The following TMEM114 variants were observed in gnomAD, a reference collection of about 807,000 sequenced individuals.
TMEM114 encodes the protein transmembrane protein 114, also known as claudin-26.
A neutral mutation model predicts 6.2 loss-of-function variants in TMEM114; 6 were observed. That is an observed-to-expected ratio of 0.97 (90% confidence interval 0.53 to 1.91). The LOEUF (loss-of-function observed/expected upper bound fraction) is 1.91, where lower values mean the gene tolerates loss of function less well. TMEM114 is among the 40% of genes most tolerant of loss of function. TMEM114 has a pLI of 0.01. For synonymous variants in TMEM114, 104 were observed against 73.0 expected, an observed-to-expected ratio of 1.42 and a Z score of -2.16; for missense variants, 218 against 158.3, an observed-to-expected ratio of 1.38 and a Z score of -2.02.
At chr16:8,560,514 G>A (rs1332383152) in intron 2 of TMEM114, among the ~76,000 whole-genome samples, 1 of 152,174 alleles carries the variant, frequency 6.6e-6, no homozygotes, top group Non-Finnish European at 1.5e-5. Context: ...CACAGAGGAC[G>A]CACTTCCTGC....
intron 2 of TMEM114, among the ~76,000 whole-genome samples, chr16:8,564,373 GTGAATGAGTGAGGGAA>G (rs1196183940): frequency 6.7e-6 from 1 of 149,202 alleles, no homozygotes; most frequent in African/African-American, 2.5e-5. Flanking sequence ...GAATGAGTCA[GTGAATGAGTGAGGGAA>G]TGAGTGAGTG....
chr16:8,569,609 A>G lies in TMEM114; in HGVS notation c.*164T>C. 1 of 1,433,234 alleles carries G rather than the reference A, an allele frequency of 7.0e-7. No homozygotes were observed. Among genetic ancestry groups the G allele is most frequent in the Non-Finnish European group, 9.1e-7 (1 of 1,097,988 alleles). 88.8% of individuals were successfully genotyped at this position (1,433,234 alleles called of 1,614,324 possible). A position where few individuals can be genotyped will look rare whatever the true frequency, so the allele number is the denominator to read the frequency against. ...ATAAGCACACAGGTACTAGGATAAC[A>G]GCCAGGCCCCAAGCTTAGTCCGCGG... On this transcript the variant is annotated 3_prime_UTR_variant, in exon 4 of 4. Transcript: ENST00000620492.
At chr16:8,588,970 C>T (rs1466207378) in intron 2 of TMEM114, among the ~76,000 whole-genome samples, 3 of 152,142 alleles carry the variant, frequency 2.0e-5, no homozygotes, top group Admixed American at 6.6e-5. Context: ...TCCATCAAAA[C>T]GGTGCAAAGA....
chr16:8,540,304 G>A (rs1207763838), intron 2 of TMEM114, among the ~76,000 whole-genome samples: 1 of 152,150 alleles, frequency 6.6e-6, no homozygotes, highest in Non-Finnish European at 1.5e-5. Flanking sequence ...TCAGATAGAG[G>A]TAGGAGCTCT....
At chr16:8,539,357 C>A (rs917024919) in intron 2 of TMEM114, among the ~76,000 whole-genome samples, 11 of 152,122 alleles carry the variant, frequency 7.2e-5, no homozygotes, top group African/African-American at 2.2e-4. Context: ...AGAATCCCAA[C>A]CCAAGACCCA....
chr16:8,573,584 T>A (rs956270385), intron 2 of TMEM114, among the ~76,000 whole-genome samples: 1 of 152,088 alleles, frequency 6.6e-6, no homozygotes, highest in Non-Finnish European at 1.5e-5. Flanking sequence ...GTTTTTTTTT[T>A]ATCCATCCTT....
chr16:8,569,968 C>T lies in TMEM114; in HGVS notation c.477G>A (p.Ala159=), dbSNP rs368401181. The change falls in exon 4 of 4, where the codon GCG becomes GCA. Residue 159 remains alanine, a synonymous_variant. Coordinates refer to ENST00000620492, the MANE Select transcript of TMEM114 (RefSeq NM_001146336.2). ...VTLAGISVYI[A]YSAAAFREAL... is the part of the protein sequence containing the mutation. ...CCTCCCGGAAGGCGGCGGCTGAATA[C>T]GCTATGTAGACGCTGATCCCAGCGA... 3.2e-6 allele frequency: 5 copies of T among 1,550,828 alleles called. No individual in the cohort carries two copies. The Admixed American group carries it at 5.9e-5, about 18-fold the overall frequency.
intron 2 of TMEM114, among the ~76,000 whole-genome samples, chr16:8,587,428 A>ACCC (rs1432199685): frequency 5.3e-4 from 81 of 152,258 alleles, no homozygotes; most frequent in African/African-American, 1.8e-3. Flanking sequence ...TTTAAACCCC[A>ACCC]CCCCACAAAA....
At chr16:8,567,461 G>T (rs889112071), downstream of TMEM114, among the ~76,000 whole-genome samples, 1 of 152,204 alleles carries the variant, frequency 6.6e-6, no homozygotes, top group Non-Finnish European at 1.5e-5. Flanking sequence ...TTCCTGAGGT[G>T]CACACATGTT....
downstream of TMEM114, among the ~76,000 whole-genome samples, chr16:8,537,254 A>G (rs2141644738): frequency 6.6e-6 from 1 of 152,250 alleles, no homozygotes; most frequent in African/African-American, 2.4e-5. Flanking sequence ...TAATCCCAGC[A>G]CTTTGGGAGG....
chr16:8,580,322 A>G (rs1310027426), intron 2 of TMEM114, among the ~76,000 whole-genome samples: 1 of 152,106 alleles, frequency 6.6e-6, no homozygotes. Context: ...ACCCGTCTCT[A>G]CTAAAAATAC....
Position 8,572,085 on chromosome 16 carries a change from A to ACCTC in TMEM114, c.437_439+1dup, listed in dbSNP as rs1567207151. 1.3e-6 allele frequency: 2 copies of ACCTC among 1,542,394 alleles called. No individual in the cohort carries two copies. Among genetic ancestry groups the ACCTC allele is most frequent in the Admixed American group, 4.0e-5 (2 of 50,214 alleles). On this transcript the variant is annotated splice_donor_variant, in intron 3 of 3. Coordinates refer to ENST00000620492, the MANE Select transcript of TMEM114 (RefSeq NM_001146336.2). LOFTEE classifies it high-confidence loss of function. The stretch of plus-strand genomic sequence containing the variant: ...AGAGCCCTAGGCAGGGTGGGCACCT[A>ACCTC]CCTCCAAAGAGGAAGAGAATTCCAG...
chr16:8,562,658 C>CA (rs1901298078), intron 2 of TMEM114, among the ~76,000 whole-genome samples: 1 of 112,542 alleles, frequency 8.9e-6, no homozygotes, highest in Non-Finnish European at 1.9e-5. Flanking sequence ...ATGAATGAGT[C>CA]AATGAATTAG....
intron 2 of TMEM114, among the ~76,000 whole-genome samples, chr16:8,552,703 T>C (rs1252731870): frequency 7.1e-6 from 1 of 141,640 alleles, no homozygotes; most frequent in Non-Finnish European, 1.5e-5. Flanking sequence ...TCAAAATAAA[T>C]AGGAAAAAAA....
downstream of TMEM114, among the ~76,000 whole-genome samples, chr16:8,567,680 G>C (rs1901589401): frequency 6.6e-6 from 1 of 152,142 alleles, no homozygotes; most frequent in South Asian, 2.1e-4. Context: ...AGGTGGGGGA[G>C]AGAATCGCCC....
At chr16:8,539,259 C>T (rs929936652) in intron 2 of TMEM114, among the ~76,000 whole-genome samples, 2 of 152,036 alleles carry the variant, frequency 1.3e-5, no homozygotes, top group East Asian at 1.9e-4. Flanking sequence ...ATCTTGAATT[C>T]CAGGATGTGA....
At chr16:8,546,888 A>G (rs187836610) in intron 2 of TMEM114, among the ~76,000 whole-genome samples, 98 of 152,342 alleles carry the variant, frequency 6.4e-4, no homozygotes, top group Admixed American at 1.5e-3. Flanking sequence ...CAAGCTCTGA[A>G]TAAATAGCTT....
intron 2 of TMEM114, among the ~76,000 whole-genome samples, chr16:8,563,418 T>C (rs544962200): frequency 0.025 from 3,655 of 144,676 alleles, 152 homozygotes; most frequent in South Asian, 0.068. Context: ...AGTTAATTAG[T>C]GAGTGAATGA....
intron 2 of TMEM114, among the ~76,000 whole-genome samples, chr16:8,557,494 C>T (rs991652653): frequency 1.7e-4 from 26 of 152,202 alleles, no homozygotes; most frequent in African/African-American, 5.8e-4. Flanking sequence ...ACCACAATCG[C>T]CCAGCTGAGT....
Sources: gnomAD v4.1 joint callset for allele counts (sites outside exome capture counted in the v4.1 genomes callset) on GRCh38, gnomAD v4.1.1 for gene constraint, MANE v1.5 for transcripts, NCBI Gene and HGNC (gene_info 2026-07-23, HGNC 2026-07-21) for gene names.